Variants in DGKI observed in about 807,000 individuals in gnomAD.
The protein encoded by DGKI is diacylglycerol kinase iota.
Under a neutral mutation model 147.5 loss-of-function variants are expected in DGKI, and 55 were observed. The observed-to-expected ratio is 0.37, with a 90% CI of 0.30 to 0.47. The LOEUF (loss-of-function observed/expected upper bound fraction) is 0.47, where lower values mean the gene tolerates loss of function less well. Among genes scored for constraint, DGKI ranks in the 20% least tolerant of loss-of-function variants. The pLI is 1.00. For missense variants in DGKI, 1,007 were observed against 1,323.8 expected, an observed-to-expected ratio of 0.76 and a Z score of 3.71; for synonymous variants, 469 against 477.1, an observed-to-expected ratio of 0.98 and a Z score of 0.22.
At chr7:137,431,730 A>T (rs6943070) in intron 28 of DGKI, among the ~76,000 whole-genome samples, 1 of 152,004 alleles carries the variant, frequency 6.6e-6, no homozygotes, top group Non-Finnish European at 1.5e-5. Context: ...AAGCCTGTAA[A>T]TGTCCAGAGC....
At chr7:137,581,403 C>T (rs1237187537) in intron 15 of DGKI, among the ~76,000 whole-genome samples, 1 of 152,078 alleles carries the variant, frequency 6.6e-6, no homozygotes, top group African/African-American at 2.4e-5. Flanking sequence ...ACAGAGGGGA[C>T]ATTTTTGTTT....
At chr7:137,791,103 C>T (rs1217792893) in intron 1 of DGKI, among the ~76,000 whole-genome samples, 1 of 152,180 alleles carries the variant, frequency 6.6e-6, no homozygotes, top group Non-Finnish European at 1.5e-5. Flanking sequence ...CAGTAACTCT[C>T]ACCTCAGTAC....
chr7:137,787,741 A>C (rs1276180580), intron 1 of DGKI, among the ~76,000 whole-genome samples: 1 of 152,218 alleles, frequency 6.6e-6, no homozygotes, highest in Non-Finnish European at 1.5e-5. Flanking sequence ...GGATAAAGAA[A>C]ATTTGGTGTA....
At chr7:137,585,969 C>T (rs1421975409) in intron 13 of DGKI, among the ~76,000 whole-genome samples, 1 of 152,184 alleles carries the variant, frequency 6.6e-6, no homozygotes, top group Non-Finnish European at 1.5e-5. Context: ...CTGATGATAA[C>T]CTTAGTTGCC....
chr7:137,542,937 G>A (rs1817750823), intron 20 of DGKI, among the ~76,000 whole-genome samples: 1 of 152,068 alleles, frequency 6.6e-6, no homozygotes, highest in African/African-American at 2.4e-5. Flanking sequence ...ACAGAGCATT[G>A]AGTAACTGAA....
intron 21 of DGKI, among the ~76,000 whole-genome samples, chr7:137,492,661 G>C (rs1197599683): frequency 6.6e-6 from 1 of 152,112 alleles, no homozygotes; most frequent in African/African-American, 2.4e-5. Flanking sequence ...GAGCCCAGAG[G>C]GTTTGGTGCA....
chr7:137,615,606 T>C (rs1326833016), intron 8 of DGKI, among the ~76,000 whole-genome samples: 1 of 151,654 alleles, frequency 6.6e-6, no homozygotes, highest in Non-Finnish European at 1.5e-5. Flanking sequence ...ACTCTGCTAT[T>C]CTCCACCTAT....
intron 1 of DGKI, among the ~76,000 whole-genome samples, chr7:137,773,175 C>A (rs1052942628): frequency 2.6e-5 from 4 of 152,122 alleles, no homozygotes; most frequent in Non-Finnish European, 5.9e-5. Context: ...CTGAACAGTA[C>A]AATCATCTGC....
intron 1 of DGKI, among the ~76,000 whole-genome samples, chr7:137,752,775 C>A (rs900496053): frequency 6.6e-6 from 1 of 152,142 alleles, no homozygotes; most frequent in Non-Finnish European, 1.5e-5. Context: ...ACTTGGGGAG[C>A]TTGGTTTTTG....
chr7:137,824,529 AG>A (rs58751529), intron 1 of DGKI, among the ~76,000 whole-genome samples: 68,250 of 140,410 alleles, frequency 0.49, 17,616 homozygotes, highest in Middle Eastern at 0.6. Flanking sequence ...AAAAAAAAAA[AG>A]AAAAAGAAAA....
intron 21 of DGKI, among the ~76,000 whole-genome samples, chr7:137,504,129 G>A (rs984709709): frequency 1.3e-5 from 2 of 152,170 alleles, no homozygotes; most frequent in African/African-American, 2.4e-5. Context: ...ATGTGAAAGT[G>A]ATAATGGGAT....
chr7:137,688,679 T>TA (rs1237569320), intron 2 of DGKI, among the ~76,000 whole-genome samples: 16 of 152,272 alleles, frequency 1.1e-4, no homozygotes, highest in Admixed American at 1.0e-3. Context: ...GCTCCATGCA[T>TA]ACCTCTCTTA....
chr7:137,703,924 T>A (rs76605148), intron 1 of DGKI, among the ~76,000 whole-genome samples: 1 of 152,092 alleles, frequency 6.6e-6, no homozygotes, highest in Admixed American at 6.6e-5. Flanking sequence ...TTTTTAAAAA[T>A]TGCAGGCCAG....
chr7:137,505,898 C>T (rs1816350161), intron 21 of DGKI, among the ~76,000 whole-genome samples: 1 of 151,990 alleles, frequency 6.6e-6, no homozygotes, highest in African/African-American at 2.4e-5. Context: ...GCAAATTAAA[C>T]AACAAAGATA....
At chr7:137,495,831 G>A (rs1333357165) in intron 21 of DGKI, among the ~76,000 whole-genome samples, 1 of 152,112 alleles carries the variant, frequency 6.6e-6, no homozygotes. Context: ...AGTCATCTAT[G>A]ATAAACCCAT....
At chr7:137,645,563 T>A (rs780594234) in intron 5 of DGKI, 26 bp from the exon 6 acceptor site, 5 of 1,596,092 alleles carry the variant, frequency 3.1e-6, no homozygotes, top group Non-Finnish European at 4.3e-6. Context: ...ATTAAATGAA[T>A]ATTTTTAAAA....
At chr7:137,829,312 G>A (rs1798153814) in intron 1 of DGKI, among the ~76,000 whole-genome samples, 1 of 152,224 alleles carries the variant, frequency 6.6e-6, no homozygotes, top group Non-Finnish European at 1.5e-5. Context: ...CCTGTCTACA[G>A]TTCTCTCTCC....
intron 20 of DGKI, among the ~76,000 whole-genome samples, chr7:137,551,486 AC>A (rs1818043271): frequency 6.6e-6 from 1 of 152,178 alleles, no homozygotes. Flanking sequence ...CGGGAGGAGC[AC>A]CTTTGAGAGT....
At chr7:137,635,207 G>A (rs1047704712) in intron 6 of DGKI, among the ~76,000 whole-genome samples, 5 of 152,156 alleles carry the variant, frequency 3.3e-5, no homozygotes, top group East Asian at 1.9e-4. Flanking sequence ...TTGGTGGAGT[G>A]ATGGATGCTA....
Sources: allele counts gnomAD v4.1 joint callset (sites outside exome capture counted in the v4.1 genomes callset), GRCh38; gene constraint gnomAD v4.1.1; transcripts MANE v1.5; gene names NCBI Gene and HGNC (gene_info 2026-07-23, HGNC 2026-07-21).